The following UTRN variants were observed in gnomAD, a reference collection of about 807,000 sequenced individuals.
UTRN encodes dystrophin-related protein 1.
In UTRN, 283 loss-of-function variants were observed where a neutral mutation model predicts 463.9. That is an observed-to-expected ratio of 0.61 (90% CI 0.55 to 0.67). The LOEUF (loss-of-function observed/expected upper bound fraction) is 0.67. Ranked by LOEUF, UTRN falls within the 30% of genes least tolerant of loss-of-function variation. The probability of loss-of-function intolerance (pLI) is 0.00; values close to 1 mark genes in which losing one functional copy is unlikely to be tolerated. For synonymous variants in UTRN, 1,442 were observed against 1,431.5 expected, an observed-to-expected ratio of 1.01 and a Z score of -0.17; for missense variants, 3,922 against 4,084.3, an observed-to-expected ratio of 0.96 and a Z score of 1.08.
intron 40 of UTRN, 60 bp from the exon 41 acceptor site, chr6:144,522,956 T>C: frequency 7.9e-7 from 1 of 1,268,602 alleles, no homozygotes; most frequent in Admixed American, 2.4e-5. Context: ...TCTGGTCATC[T>C]GTGATTCCTT....
Position 144,577,303 on chromosome 6 carries a change from A to C in UTRN, c.7479+15A>C. On this transcript the variant is annotated intron_variant, in intron 51 of 74. Coordinates refer to ENST00000367545, the MANE Select transcript of UTRN (RefSeq NM_007124.3). Reference sequence around the variant, plus strand: ...AGCAGATGCAGGTAAGTGCATGGGAAACCACACCAGTACCTGTGTTTGCCC... The same window carrying C: ...AGCAGATGCAGGTAAGTGCATGGGACACCACACCAGTACCTGTGTTTGCCC... 1 of 1,611,476 alleles carries C rather than the reference A, an allele frequency of 6.2e-7. No individual in the cohort carries two copies. Among genetic ancestry groups the C allele is most frequent in the South Asian group, 1.1e-5 (1 of 90,778 alleles).
intron 51 of UTRN, among the ~76,000 whole-genome samples, chr6:144,592,074 T>C (rs994839479): frequency 6.6e-6 from 1 of 152,216 alleles, no homozygotes; most frequent in Non-Finnish European, 1.5e-5. Context: ...TTTTATAGCC[T>C]TCCTTTTACA....
intron 2 of UTRN, among the ~76,000 whole-genome samples, chr6:144,313,978 T>C (rs959420960): frequency 6.6e-6 from 1 of 152,228 alleles, no homozygotes; most frequent in African/African-American, 2.4e-5. Context: ...ATGTCTTTAA[T>C]ACACTAGGAG....
chr6:144,478,679 G>A (rs1791504191), intron 25 of UTRN, among the ~76,000 whole-genome samples: 1 of 152,196 alleles, frequency 6.6e-6, no homozygotes, highest in Admixed American at 6.5e-5. Flanking sequence ...CAGCTCCTGT[G>A]CTGGCCTTTG....
intron 9 of UTRN, among the ~76,000 whole-genome samples, chr6:144,430,110 T>A (rs1389425229): frequency 6.6e-6 from 1 of 152,194 alleles, no homozygotes; most frequent in East Asian, 1.9e-4. Flanking sequence ...TTCTAAGTAC[T>A]AATTGTCTTT....
chr6:144,637,534 G>A (rs1373426156), intron 51 of UTRN, among the ~76,000 whole-genome samples: 1 of 151,464 alleles, frequency 6.6e-6, no homozygotes, highest in Non-Finnish European at 1.5e-5. Flanking sequence ...TCCTGCCCTG[G>A]GATTCTTCCT....
intron 34 of UTRN, among the ~76,000 whole-genome samples, chr6:144,509,718 C>A (rs917815933): frequency 6.6e-6 from 1 of 152,022 alleles, no homozygotes; most frequent in Non-Finnish European, 1.5e-5. Flanking sequence ...CAATGCAAAG[C>A]TTAAATAAAT....
At chr6:144,617,918 C>A (rs770374704) in intron 51 of UTRN, among the ~76,000 whole-genome samples, 1 of 152,090 alleles carries the variant, frequency 6.6e-6, no homozygotes, top group Non-Finnish European at 1.5e-5. Context: ...TTGAAATGGG[C>A]AGTTCAACTA....
At chr6:144,413,804 A>T (rs1784126071) in intron 3 of UTRN, among the ~76,000 whole-genome samples, 4 of 152,042 alleles carry the variant, frequency 2.6e-5, no homozygotes, top group Admixed American at 2.6e-4. Flanking sequence ...ATCATTATTT[A>T]ATTAATTTAT....
intron 2 of UTRN, among the ~76,000 whole-genome samples, chr6:144,356,849 A>ATG (rs1369551918): frequency 1.0e-4 from 14 of 136,714 alleles, no homozygotes; most frequent in Admixed American, 3.1e-4. Flanking sequence ...AAATAAATAT[A>ATG]TGTGTGTGTG....
chr6:144,378,600 C>T (rs1380003422), intron 2 of UTRN, among the ~76,000 whole-genome samples: 1 of 152,082 alleles, frequency 6.6e-6, no homozygotes, highest in Non-Finnish European at 1.5e-5. Flanking sequence ...TATCCCGAGG[C>T]AGGAAAGGGC....
chr6:144,675,297 G>C (rs1781479066), intron 51 of UTRN, among the ~76,000 whole-genome samples: 1 of 152,182 alleles, frequency 6.6e-6, no homozygotes, highest in Admixed American at 6.5e-5. Context: ...AAAGAGTCCT[G>C]TAATGTGATC....
rs1782441046 is a variant in UTRN at position 144,850,926 on chromosome 6, A to G, written c.10294-63A>G. The G allele has an allele frequency of 1.9e-6, 3 of 1,602,570 alleles. No individual in the cohort carries two copies. In the East Asian group the frequency reaches 6.7e-5, roughly 36 times the overall value. On this transcript the variant is annotated intron_variant, in intron 74 of 74. Transcript: ENST00000367545. ...ACTTTTATTTTCTTGAAGAATTGAC[A>G]GATCTCTGCTTCCTGTAATGTTTTG...
chr6:144,477,121 G>C (rs1050625710), intron 25 of UTRN, among the ~76,000 whole-genome samples: 2 of 152,112 alleles, frequency 1.3e-5, no homozygotes, highest in South Asian at 2.1e-4. Flanking sequence ...TGGTTTCTCC[G>C]TGGTAATGGA....
chr6:144,415,246 C>G (rs893576611), intron 3 of UTRN, among the ~76,000 whole-genome samples: 6 of 152,088 alleles, frequency 3.9e-5, no homozygotes, highest in African/African-American at 1.4e-4. Context: ...CCTAAGGATG[C>G]ATTTCTCTGA....
At chr6:144,716,668 T>A (rs936390923) in intron 53 of UTRN, among the ~76,000 whole-genome samples, 1 of 152,150 alleles carries the variant, frequency 6.6e-6, no homozygotes, top group African/African-American at 2.4e-5. Flanking sequence ...AATAAAAACA[T>A]GGCCATAATT....
chr6:144,544,425 A>C (rs1461565815), intron 46 of UTRN, among the ~76,000 whole-genome samples: 2 of 150,730 alleles, frequency 1.3e-5, no homozygotes, highest in Non-Finnish European at 3.0e-5. Context: ...ATTCCCTCCT[A>C]CTCCCAGCCC....
At chr6:144,520,887 T>G (rs1471825837) in intron 39 of UTRN, among the ~76,000 whole-genome samples, 1 of 152,138 alleles carries the variant, frequency 6.6e-6, no homozygotes, top group Non-Finnish European at 1.5e-5. Flanking sequence ...CCTTTGCAAG[T>G]GGTAATACGT....
intron 50 of UTRN, among the ~76,000 whole-genome samples, chr6:144,560,654 G>A (rs1050359359): frequency 3.3e-5 from 5 of 152,100 alleles, no homozygotes; most frequent in Admixed American, 1.3e-4. Context: ...TGTATGAATT[G>A]CAGTTAGCCT....
Sources: gnomAD v4.1 joint callset for allele counts (sites outside exome capture counted in the v4.1 genomes callset) on GRCh38, gnomAD v4.1.1 for gene constraint, MANE v1.5 for transcripts, NCBI Gene and HGNC (gene_info 2026-07-23, HGNC 2026-07-21) for gene names.